Variants in MYBPC1 observed in about 807,000 individuals in gnomAD.
MYBPC1 encodes the protein myosin binding protein C1.
In MYBPC1, 52 loss-of-function variants were observed where a neutral mutation model predicts 147.1. The observed-to-expected ratio is 0.35, with a 90% CI of 0.28 to 0.45. MYBPC1 has a LOEUF of 0.45. Among genes scored for constraint, MYBPC1 ranks in the 20% least tolerant of loss-of-function variants. The probability of loss-of-function intolerance (pLI) is 1.00; values close to 1 mark genes in which losing one functional copy is unlikely to be tolerated. For missense variants in MYBPC1, 1,228 were observed against 1,440.3 expected (o/e 0.85, Z 2.39); for synonymous variants, 477 against 475.9 (o/e 1.00, Z -0.03).
intron 1 of MYBPC1, among the ~76,000 whole-genome samples, chr12:101,609,941 G>T (rs978164022): frequency 4.6e-5 from 7 of 152,150 alleles, no homozygotes; most frequent in African/African-American, 1.7e-4. Context: ...TGTTACAGAG[G>T]CAGCCAATGA....
At chr12:101,666,810 G>A (rs369205578) in intron 22 of MYBPC1, 43 of 1,610,194 alleles carry the variant, frequency 2.7e-5, no homozygotes, top group East Asian at 1.6e-4. Flanking sequence ...AAAGTATTCC[G>A]TGAAGCTCTC....
chr12:101,670,254 T>C, intron 23 of MYBPC1, 67 bp from the exon 24 acceptor site: 1 of 1,269,298 alleles, frequency 7.9e-7, no homozygotes, highest in Non-Finnish European at 1.2e-6. Context: ...CATGCCATTT[T>C]GCTTTTGTAA....
At chr12:101,639,924 A>G (rs1891696126) in intron 10 of MYBPC1, among the ~76,000 whole-genome samples, 1 of 152,036 alleles carries the variant, frequency 6.6e-6, no homozygotes, top group African/African-American at 2.4e-5. Context: ...GACTATATTT[A>G]GGCTGGAATG....
chr12:101,679,781 G>A (rs143034641), intron 28 of MYBPC1, among the ~76,000 whole-genome samples: 1 of 149,144 alleles, frequency 6.7e-6, no homozygotes, highest in East Asian at 2.0e-4. Flanking sequence ...AAAATCAAAT[G>A]ATCGTGACAC....
In MYBPC1 at chr12:101,614,772, T is replaced by A. The variant is rs1885440271; in HGVS notation, c.61+241T>A. ...ATATATATTAGGGGGACAATTCTTA[T>A]GAAACCTTTCAAATTATGTAAAAGT... On this transcript the variant is annotated intron_variant, in intron 2 of 31. Transcript: ENST00000361466. The A allele has an allele frequency of 5.2e-6, 3 of 574,878 alleles. No homozygotes were observed. The South Asian group carries it at 6.2e-5, about 12-fold the overall frequency. 35.6% of individuals were successfully genotyped at this position (574,878 alleles called of 1,614,324 possible). A position where few individuals can be genotyped will look rare whatever the true frequency, so the allele number is the denominator to read the frequency against.
chr12:101,692,947 C>CTTTT, the MYBPC1 span, among the ~76,000 whole-genome samples: 16 of 129,114 alleles, frequency 1.2e-4, no homozygotes, highest in South Asian at 2.5e-4. Flanking sequence ...ATTACCTTCA[C>CTTTT]TTTTTTTTTT....
At chr12:101,643,119 C>G (rs1892403390) in intron 11 of MYBPC1, among the ~76,000 whole-genome samples, 1 of 152,098 alleles carries the variant, frequency 6.6e-6, no homozygotes, top group Non-Finnish European at 1.5e-5. Flanking sequence ...ATTAGCTCTT[C>G]GAAGCTTCCT....
chr12:101,601,295 A>G (rs934085707), intron 1 of MYBPC1, among the ~76,000 whole-genome samples: 1 of 152,224 alleles, frequency 6.6e-6, no homozygotes, highest in Non-Finnish European at 1.5e-5. Context: ...GTCTTGTCGT[A>G]ATTCTGCTCT....
chr12:101,676,509 C>CT (rs1404579549), intron 26 of MYBPC1, among the ~76,000 whole-genome samples: 1 of 151,910 alleles, frequency 6.6e-6, no homozygotes, highest in African/African-American at 2.4e-5. Flanking sequence ...AGTCCCAGCA[C>CT]TTTGGAAGGC....
In MYBPC1 at chr12:101,597,299, G is replaced by A. The variant is rs1173868662; in HGVS notation, c.25+2204G>A. On this transcript the variant is annotated intron_variant, in intron 1 of 31. Coordinates refer to ENST00000361466, the MANE Select transcript of MYBPC1 (RefSeq NM_002465.4). ...AGAACAGGCTCCTCCAGCCCATATG[G>A]GTCTTCTGAACTCTTCCCCACAGCT... 2.0e-5 allele frequency among the ~76,000 whole-genome samples: 3 copies of A among 152,156 alleles called. No homozygotes were observed. In the East Asian group the frequency reaches 5.8e-4, roughly 29 times the overall value.
chr12:101,692,978 G>C, the MYBPC1 span, among the ~76,000 whole-genome samples: 219 of 115,970 alleles, frequency 1.9e-3, 4 homozygotes, highest in Admixed American at 0.016. Context: ...ACGGAGTCTT[G>C]CTCTGTCGCC....
intron 19 of MYBPC1, 77 bp downstream of exon 19, chr12:101,659,908 C>T: frequency 1.9e-6 from 3 of 1,541,442 alleles, no homozygotes; most frequent in Non-Finnish European, 2.7e-6. Context: ...CTTCTTTGTC[C>T]TTTCCTTCCA....
chr12:101,634,636 T>G, intron 9 of MYBPC1, 31 bp downstream of exon 9: 1 of 1,544,030 alleles, frequency 6.5e-7, no homozygotes, highest in South Asian at 1.1e-5. Context: ...TAGATAGCTT[T>G]TGTATAACAC....
In MYBPC1 at chr12:101,659,753, G is replaced by A. The variant is rs755369101; in HGVS notation, c.1849G>A (p.Asp617Asn). 9.3e-6 allele frequency: 15 copies of A among 1,614,128 alleles called. No homozygotes were observed. Among genetic ancestry groups the A allele is most frequent in the Non-Finnish European group, 1.3e-5 (15 of 1,179,996 alleles). Residue 617 changes from aspartate to asparagine, a missense_variant, in exon 19 of 32, where the codon GAT becomes AAT. Physicochemically the swap from Asp to Asn is conservative, Grantham distance 23. Around this residue, in one of 2 missense-constraint regions of MYBPC1, gnomAD observed 1,077 missense variants for 1,314.2 expected, o/e 0.82. Coordinates refer to ENST00000361466, the MANE Select transcript of MYBPC1 (RefSeq NM_002465.4). ...TCTGGTCATTGATATAGCTGAAAGAGATGACTCTGGTGTTTACCACATCAA... is the reference window on the plus strand; with the variant it reads ...TCTGGTCATTGATATAGCTGAAAGAAATGACTCTGGTGTTTACCACATCAA... ...STLVIDIAER[D>N]DSGVYHINLK...
chr12:101,628,115 T>C (rs997810960), intron 5 of MYBPC1: 7 of 352,640 alleles, frequency 2.0e-5, no homozygotes, highest in African/African-American at 1.5e-4. Context: ...TAATTCACAT[T>C]TTTATAGAAC....
chr12:101,636,829 T>G, intron 10 of MYBPC1, 101 bp downstream of exon 10: 2 of 988,038 alleles, frequency 2.0e-6, no homozygotes, highest in Non-Finnish European at 3.2e-6. Context: ...AGAGAATTTT[T>G]CATTTCTGAA....
chr12:101,627,983 G>T (rs1045143014), intron 5 of MYBPC1, 179 bp downstream of exon 5: 9 of 717,160 alleles, frequency 1.3e-5, no homozygotes, highest in Admixed American at 4.6e-5. Context: ...AATTAATTTT[G>T]CATGATACAC....
At position 101,652,525 on chromosome 12, in the gene MYBPC1, C is replaced by CCT. The variant is rs72257829; in HGVS notation, c.1527-134_1527-133dup. Among the ~76,000 whole-genome samples the CCT allele has an allele frequency of 0.2, 29,514 of 149,316 alleles. 3,257 individuals carry two copies. The highest frequency in any genetic ancestry group is 0.35 in the Middle Eastern group (101 of 292). On this transcript the variant is annotated intron_variant, in intron 16 of 31. Coordinates refer to ENST00000361466, the MANE Select transcript of MYBPC1 (RefSeq NM_002465.4). Reference sequence around the variant, plus strand: ...AAGTAGGATAATTAAGGCTTCTCATCCTCTCTCTCTCTCTCTCTCTTTCTC... The same window carrying CCT: ...AAGTAGGATAATTAAGGCTTCTCATCCTCTCTCTCTCTCTCTCTCTCTTTCTC...
chr12:101,606,140 C>T (rs994990434), intron 1 of MYBPC1, among the ~76,000 whole-genome samples: 4 of 151,482 alleles, frequency 2.6e-5, no homozygotes, highest in Admixed American at 6.6e-5. Context: ...CTGCAGTAAG[C>T]CGAGATCACG....
Sources: gnomAD v4.1 joint callset for allele counts (sites outside exome capture counted in the v4.1 genomes callset) on GRCh38, gnomAD v4.1.1 for gene constraint, gnomAD v4.1.1 regional missense constraint, MANE v1.5 for transcripts, NCBI Gene and HGNC (gene_info 2026-07-23, HGNC 2026-07-21) for gene names.